The following DNAJC11 variants were observed in gnomAD, a reference collection of about 807,000 sequenced individuals.
DNAJC11 encodes dnaJ homolog subfamily C member 11.
In DNAJC11, 15 loss-of-function variants were observed where a neutral mutation model predicts 78.6. That is an observed-to-expected ratio of 0.19 (90% confidence interval 0.13 to 0.29). DNAJC11 has a LOEUF of 0.29. Ranked by LOEUF, DNAJC11 falls within the 10% of genes least tolerant of loss-of-function variation. The pLI, the probability that DNAJC11 is intolerant of heterozygous loss-of-function variation, is 1.00. For missense variants in DNAJC11, 547 were observed against 709.6 expected, an observed-to-expected ratio of 0.77 and a Z score of 2.60; for synonymous variants, 292 against 272.1, an observed-to-expected ratio of 1.07 and a Z score of -0.72.
chr1:6,687,836 A>C (rs1642681978), intron 1 of DNAJC11, among the ~76,000 whole-genome samples: 1 of 152,230 alleles, frequency 6.6e-6, no homozygotes. Flanking sequence ...AACATCAAGC[A>C]CTGTGTAGAC....
chr1:6,700,131 C>T (rs909174915), intron 1 of DNAJC11, among the ~76,000 whole-genome samples: 3 of 152,324 alleles, frequency 2.0e-5, no homozygotes, highest in Non-Finnish European at 1.5e-5. Flanking sequence ...ACACGCTCCC[C>T]GCCCTTGTGA....
intron 6 of DNAJC11, among the ~76,000 whole-genome samples, chr1:6,652,569 AGCTG>A (rs1407129184): frequency 6.6e-6 from 1 of 152,110 alleles, no homozygotes; most frequent in Non-Finnish European, 1.5e-5. Context: ...CCTCCCAAGT[AGCTG>A]GGATTACAGG....
At chr1:6,664,227 A>G (rs1642260954) in intron 4 of DNAJC11, among the ~76,000 whole-genome samples, 1 of 150,820 alleles carries the variant, frequency 6.6e-6, no homozygotes, top group Non-Finnish European at 1.5e-5. Flanking sequence ...AATGGTTCGA[A>G]GGCCATTTTC....
At chr1:6,640,388 G>A (rs1641857257) in intron 10 of DNAJC11, among the ~76,000 whole-genome samples, 2 of 152,218 alleles carry the variant, frequency 1.3e-5, no homozygotes, top group Admixed American at 6.5e-5. Context: ...TCCTCCAGAT[G>A]TCACTGGAGA....
At chr1:6,659,787 G>T (rs1237501754) in intron 4 of DNAJC11, among the ~76,000 whole-genome samples, 1 of 151,122 alleles carries the variant, frequency 6.6e-6, no homozygotes, top group Admixed American at 6.6e-5. Context: ...GCCGGGCACG[G>T]TGGCTCACGC....
At chr1:6,664,891 T>G (rs1325007871) in intron 4 of DNAJC11, among the ~76,000 whole-genome samples, 1 of 152,098 alleles carries the variant, frequency 6.6e-6, no homozygotes, top group Non-Finnish European at 1.5e-5. Flanking sequence ...GCTTGGTAGA[T>G]ACATCAATCT....
intron 4 of DNAJC11, among the ~76,000 whole-genome samples, chr1:6,656,864 T>C (rs772451374): frequency 6.2e-4 from 95 of 152,212 alleles, no homozygotes; most frequent in Non-Finnish European, 1.2e-3. Context: ...TGCAGTGAGC[T>C]GTGACTGTAT....
At position 6,680,569 on chromosome 1, in the gene DNAJC11, G is replaced by A. The variant is rs1642535796; in HGVS notation, c.202+339C>T. Among the ~76,000 whole-genome samples the A allele has an allele frequency of 6.6e-6, 1 of 152,080 alleles. No individual in the cohort carries two copies. The highest frequency in any genetic ancestry group is 1.5e-5 in the Non-Finnish European group (1 of 68,000). ...TGTCCTTGTATCTTCTAACAAAAAA[G>A]AGAACAAAGAAACCTTCCCTGTAAC... is the stretch of plus-strand genomic sequence containing the variant. On this transcript the variant is annotated intron_variant, in intron 2 of 15. Coordinates refer to ENST00000377577, the MANE Select transcript of DNAJC11 (RefSeq NM_018198.4). This position sits in a 1 kb window ranked among gnomAD's most constrained non-coding sequence, Gnocchi z 4.0.
chr1:6,652,493 C>T (rs772458590), intron 6 of DNAJC11, among the ~76,000 whole-genome samples: 6 of 152,246 alleles, frequency 3.9e-5, no homozygotes, highest in East Asian at 3.9e-4. Flanking sequence ...TGCAACGGCG[C>T]GATCTTGACT....
chr1:6,634,500 G>A lies in DNAJC11; in HGVS notation c.*1175C>T. The stretch of plus-strand genomic sequence containing the variant: ...TGTGGGTGGGCTGGAGGCCGGCGCA[G>A]CTTGGGGCCCCCCGCGCCAGCTGTC... On this transcript the variant is annotated 3_prime_UTR_variant, in exon 16 of 16. Coordinates refer to ENST00000377577, the MANE Select transcript of DNAJC11 (RefSeq NM_018198.4). 1 of 1,347,824 alleles carries A rather than the reference G, an allele frequency of 7.4e-7. No homozygotes were observed. The highest frequency in any genetic ancestry group is 9.9e-7 in the Non-Finnish European group (1 of 1,013,074). 83.5% of individuals were successfully genotyped at this position (1,347,824 alleles called of 1,614,324 possible).
At chr1:6,651,255 C>T in intron 7 of DNAJC11, 1 of 638,946 alleles carries the variant, frequency 1.6e-6, no homozygotes. Context: ...GGCACTCTTT[C>T]TCCGTGGCCT....
chr1:6,688,772 G>C (rs1396825802), intron 1 of DNAJC11, among the ~76,000 whole-genome samples: 2 of 152,172 alleles, frequency 1.3e-5, no homozygotes, highest in Non-Finnish European at 2.9e-5. Flanking sequence ...GCCGGTGTTG[G>C]GGACAGAAAC....
intron 11 of DNAJC11, 72 bp from the exon 12 acceptor site, chr1:6,638,436 G>A (rs992998585): frequency 9.5e-6 from 14 of 1,467,862 alleles, no homozygotes; most frequent in Admixed American, 3.7e-5. Context: ...AGCCCCTCCC[G>A]TGCTGGACCC....
chr1:6,637,094 CCCA>C, intron 14 of DNAJC11, 101 bp downstream of exon 14: 1 of 1,467,068 alleles, frequency 6.8e-7, no homozygotes, highest in Non-Finnish European at 9.3e-7. Context: ...AAGCAATCCG[CCCA>C]CCTTGGCCTT....
At chr1:6,670,760 C>G (rs1408558502) in intron 3 of DNAJC11, 1 of 152,120 alleles carries the variant, frequency 6.6e-6, no homozygotes, top group African/African-American at 2.4e-5. Context: ...GAACAAGATG[C>G]GTTCCCGCTG....
At chr1:6,652,743 G>A in intron 6 of DNAJC11, 86 bp downstream of exon 6, 1 of 1,568,120 alleles carries the variant, frequency 6.4e-7, no homozygotes, top group South Asian at 1.2e-5. Context: ...CCCCCAGGGT[G>A]AGTTTGAGGG....
intron 3 of DNAJC11, among the ~76,000 whole-genome samples, chr1:6,669,291 C>T (rs1642340170): frequency 6.6e-6 from 1 of 151,814 alleles, no homozygotes; most frequent in Non-Finnish European, 1.5e-5. Context: ...GGGTGGATCA[C>T]CTGAGGTCAG....
intron 4 of DNAJC11, 179 bp from the exon 5 acceptor site, chr1:6,654,218 C>A (rs1461668741): frequency 1.1e-5 from 7 of 618,322 alleles, no homozygotes; most frequent in Non-Finnish European, 1.3e-5. Context: ...CAGTCCGAAC[C>A]AAACTGCAGA....
At chr1:6,647,302 C>T (rs1456667818) in intron 7 of DNAJC11, among the ~76,000 whole-genome samples, 1 of 151,782 alleles carries the variant, frequency 6.6e-6, no homozygotes, top group South Asian at 2.1e-4. Flanking sequence ...AGACTGGTCT[C>T]GAATTCCTGC....
Sources: allele counts gnomAD v4.1 joint callset (sites outside exome capture counted in the v4.1 genomes callset), GRCh38; gene constraint gnomAD v4.1.1; non-coding constraint Gnocchi (gnomAD v3.1); transcripts MANE v1.5; gene names NCBI Gene and HGNC (gene_info 2026-07-23, HGNC 2026-07-21).